The following CPD variants were observed in gnomAD, a reference collection of about 807,000 sequenced individuals.
The protein encoded by CPD is metallocarboxypeptidase D.
Under a neutral mutation model 138.3 loss-of-function variants are expected in CPD, and 69 were observed. That is an observed-to-expected ratio of 0.50 (90% confidence interval 0.41 to 0.61). The LOEUF is 0.61. Among genes scored for constraint, CPD ranks in the 20% least tolerant of loss-of-function variants. The probability of loss-of-function intolerance (pLI) is 0.00; values close to 1 mark genes in which losing one functional copy is unlikely to be tolerated. For missense variants in CPD, 1,432 were observed against 1,733.3 expected (o/e 0.83, Z 3.09); for synonymous variants, 651 against 642.1 (o/e 1.01, Z -0.21).
rs890109249 is a variant in CPD, at chr17:30,455,261, A to C, written c.3206-78A>C. ...TTAAGTTAGCATTTTGATTGTATTC[A>C]AGTAGAGAATATTTTCTTAGATACT... On this transcript the variant is annotated intron_variant, in intron 14 of 20. Transcript: ENST00000225719. 3.4e-6 allele frequency: 4 copies of C among 1,191,458 alleles called. No homozygotes were observed. In the African/African-American group the frequency reaches 6.2e-5, roughly 18 times the overall value. The allele number at this position is 1,191,458 out of a possible 1,614,324, so 73.8% of individuals were successfully genotyped here.
At chr17:30,445,050 C>A (rs1486905500) in intron 11 of CPD, among the ~76,000 whole-genome samples, 1 of 152,054 alleles carries the variant, frequency 6.6e-6, no homozygotes, top group Non-Finnish European at 1.5e-5. Flanking sequence ...ATGTCATAAC[C>A]TAGCACCTCT....
In CPD at chr17:30,466,972, T is replaced by C. The variant is rs1412967078; in HGVS notation, c.*2158T>C. 6.6e-6 allele frequency: 1 copy of C among 152,602 alleles called. No individual in the cohort carries two copies. Among genetic ancestry groups the C allele is most frequent in the Non-Finnish European group, 1.5e-5 (1 of 68,008 alleles). 9.5% of individuals were successfully genotyped at this position (152,602 alleles called of 1,614,324 possible). On this transcript the variant is annotated 3_prime_UTR_variant, in exon 21 of 21. Transcript: ENST00000225719. ...TCAATGAACTTTTAAATAATGCATTTAGCTGGAAAACAAGACTTTCCCAGC... is the reference window on the plus strand; with the variant it reads ...TCAATGAACTTTTAAATAATGCATTCAGCTGGAAAACAAGACTTTCCCAGC...
chr17:30,384,964 A>G (rs762571893), intron 1 of CPD, 25 bp from the exon 2 acceptor site: 28 of 1,602,586 alleles, frequency 1.7e-5, no homozygotes, highest in Non-Finnish European at 2.4e-5. Flanking sequence ...TTTTAGTGAT[A>G]CGTGATTTGG....
At position 30,461,922 on chromosome 17, in the gene CPD, C is replaced by G. The variant is rs1252587248; in HGVS notation, c.3676C>G (p.Pro1226Ala). Residue 1226 changes from proline (P) to alanine (A), a missense_variant, in exon 19 of 21, where the codon CCA becomes GCA. Physicochemically the swap from Pro to Ala is conservative, Grantham distance 27. Transcript: ENST00000225719. ...ATTTGTTAAAGATAAGACTGGAAAGCCAATCTCTAAAGCAGTCATTGTACT... is the reference window on the plus strand; with the variant it reads ...ATTTGTTAAAGATAAGACTGGAAAGGCAATCTCTAAAGCAGTCATTGTACT... ...HGFVKDKTGK[P>A]ISKAVIVLNE... 1 of 1,607,846 alleles carries G rather than the reference C, an allele frequency of 6.2e-7. No homozygotes were observed. The highest frequency in any genetic ancestry group is 1.7e-5 in the Admixed American group (1 of 58,346).
At position 30,379,550 on chromosome 17, in the gene CPD, C is replaced by T. The variant is rs755758637; in HGVS notation, c.570C>T (p.Ala190=). The T allele has an allele frequency of 3.5e-5, 55 of 1,549,882 alleles. No homozygotes were observed. The highest frequency in any genetic ancestry group is 4.7e-5 in the Non-Finnish European group (54 of 1,157,288). Residue 190 remains alanine (A), a synonymous_variant, in exon 1 of 21, where the codon GCC becomes GCT. Transcript: ENST00000225719. The surrounding 1 kb of genome is among the most constrained non-coding windows in gnomAD (Gnocchi z 7.0). ...TCAACCCCGATGGCTTCGAGCGTGC[C>T]CGCGAGGGCGACTGTGGCTTCGGCG... ...PSLNPDGFER[A]REGDCGFGDG...
Position 30,461,288 on chromosome 17 carries a change from TC to T in CPD, c.3608del (p.Ser1203PhefsTer6). 1 of 1,608,026 alleles carries T rather than the reference TC, an allele frequency of 6.2e-7. No homozygotes were observed. The highest frequency in any genetic ancestry group is 8.5e-7 in the Non-Finnish European group (1 of 1,177,404). ...LPSLWADNKR[S>X]LLSMLVEVHK... ...TTCCTTGTGGGCAGACAATAAGAGA[TC>T]TCTTCTTAGTATGTTAGTGGAGGTG... On this transcript the variant is annotated frameshift_variant, in exon 18 of 21. Transcript: ENST00000225719. LOFTEE classifies it high-confidence loss of function.
intron 8 of CPD, among the ~76,000 whole-genome samples, chr17:30,437,955 G>C (rs146165964): frequency 2.0e-5 from 3 of 149,038 alleles, no homozygotes; most frequent in African/African-American, 7.4e-5. Context: ...TCCCATCTCA[G>C]CCTCCCAAGG....
chr17:30,392,426 T>C (rs1911383534), intron 2 of CPD, among the ~76,000 whole-genome samples: 1 of 152,214 alleles, frequency 6.6e-6, no homozygotes, highest in South Asian at 2.1e-4. Context: ...TCAGTATTAT[T>C]TGAACTTTTT....
rs562173721 is a variant in CPD at position 30,389,274 on chromosome 17, T to A, written c.994+4038T>A. On this transcript the variant is annotated intron_variant, in intron 2 of 20. Coordinates refer to ENST00000225719, the MANE Select transcript of CPD (RefSeq NM_001304.5). ...AATTTTCTGATCCTCCTATAGTTTCTACCAGTGTTTCTTGTATATCAGAAG... is the reference window on the plus strand; with the variant it reads ...AATTTTCTGATCCTCCTATAGTTTCAACCAGTGTTTCTTGTATATCAGAAG... 6.6e-5 allele frequency among the ~76,000 whole-genome samples: 10 copies of A among 152,342 alleles called. No individual in the cohort carries two copies. In the South Asian group the frequency reaches 2.1e-3, roughly 32 times the overall value.
In CPD at chr17:30,443,850, G is replaced by C; in HGVS notation, c.2422G>C (p.Gly808Arg). The C allele has an allele frequency of 1.2e-6, 2 of 1,613,694 alleles. No individual in the cohort carries two copies. The highest frequency in any genetic ancestry group is 1.7e-6 in the Non-Finnish European group (2 of 1,179,774). ...TGTTCTAGATGCCACAGATGGCAGG[G>C]GTATATTAAATGCCACCATTAGTGT... ...GFVLDATDGRGILNATISVAE... is the reference protein window; with the variant it reads ...GFVLDATDGRRILNATISVAE... The change falls in exon 11 of 21, where the codon GGT becomes CGT. Residue 808 changes from glycine to arginine, a missense_variant. By Grantham distance (125) the Gly-to-Arg change is moderately radical. Around this residue, in one of 6 missense-constraint regions of CPD, gnomAD observed 297 missense variants for 405.3 expected, o/e 0.73. Transcript: ENST00000225719.
chr17:30,435,396 A>G (rs1912672254), intron 8 of CPD, among the ~76,000 whole-genome samples: 2 of 152,092 alleles, frequency 1.3e-5, no homozygotes. Flanking sequence ...GGATGCCAAG[A>G]CAATTCAATA....
At chr17:30,433,355 T>C (rs868330607) in intron 8 of CPD, among the ~76,000 whole-genome samples, 2 of 152,238 alleles carry the variant, frequency 1.3e-5, no homozygotes, top group Non-Finnish European at 2.9e-5. Context: ...TCATGATTTC[T>C]GCTTTTCGCC....
intron 1 of CPD, among the ~76,000 whole-genome samples, chr17:30,382,358 C>A (rs1911071926): frequency 1.3e-5 from 2 of 152,018 alleles, no homozygotes; most frequent in African/African-American, 4.8e-5. Flanking sequence ...TACTTTAAAT[C>A]TTATGCAAGG....
intron 2 of CPD, among the ~76,000 whole-genome samples, chr17:30,409,745 T>C (rs1326369755): frequency 9.2e-6 from 1 of 108,520 alleles, no homozygotes; most frequent in Non-Finnish European, 1.9e-5. Flanking sequence ...TCTTCTCTCT[T>C]TTCTTCTTTA....
At chr17:30,424,507 A>G (rs1465132379) in intron 6 of CPD, among the ~76,000 whole-genome samples, 2 of 152,178 alleles carry the variant, frequency 1.3e-5, no homozygotes, top group African/African-American at 4.8e-5. Flanking sequence ...GGCCCTGCCT[A>G]TTGAGCGGGG....
At position 30,423,330 on chromosome 17, in the gene CPD, G is replaced by A. The variant is rs184364981; in HGVS notation, c.1658-176G>A. 8.0e-3 allele frequency among the ~76,000 whole-genome samples: 1,214 copies of A among 152,224 alleles called. 9 individuals carry two copies. Among genetic ancestry groups the A allele is most frequent in the Non-Finnish European group, 0.014 (931 of 67,998 alleles). On this transcript the variant is annotated intron_variant, in intron 5 of 20. Transcript: ENST00000225719. ...ATGCTTTGAGCCTGCTCAGACATAT[G>A]TATTAGTAAGGAAGCTGCTTTATAA... is the stretch of plus-strand genomic sequence containing the variant.
rs1170047743 is a variant in CPD at position 30,468,128 on chromosome 17, A to G, written c.*3314A>G. 6.6e-6 allele frequency: 1 copy of G among 152,536 alleles called. No individual in the cohort carries two copies. Among genetic ancestry groups the G allele is most frequent in the East Asian group, 1.9e-4 (1 of 5,202 alleles). The allele number at this position is 152,536 out of a possible 1,614,324, so 9.4% of individuals were successfully genotyped here. A position where few individuals can be genotyped will look rare whatever the true frequency, so the allele number is the denominator to read the frequency against. On this transcript the variant is annotated 3_prime_UTR_variant, in exon 21 of 21. Transcript: ENST00000225719. ...AAGAAATCTCTCCCAATACCCATTT[A>G]TCCTATTTTTAGCAATAATTCGTTA... is the stretch of plus-strand genomic sequence containing the variant.
chr17:30,462,668 A>T (rs1017446358), intron 20 of CPD, among the ~76,000 whole-genome samples, 199 bp downstream of exon 20: 2 of 152,148 alleles, frequency 1.3e-5, no homozygotes, highest in Non-Finnish European at 2.9e-5. Context: ...GACCAGCTCC[A>T]TCAAGGAGAC....
chr17:30,387,288 T>C (rs995192504), intron 2 of CPD, among the ~76,000 whole-genome samples: 1 of 152,128 alleles, frequency 6.6e-6, no homozygotes, highest in Admixed American at 6.6e-5. Flanking sequence ...CAGCTAATTT[T>C]TTGTATTTTT....
Sources: gnomAD v4.1 joint callset for allele counts (sites outside exome capture counted in the v4.1 genomes callset) on GRCh38, gnomAD v4.1.1 for gene constraint, gnomAD v4.1.1 regional missense constraint, Gnocchi (gnomAD v3.1) non-coding constraint, MANE v1.5 for transcripts, NCBI Gene and HGNC (gene_info 2026-07-23, HGNC 2026-07-21) for gene names.